Variants in USH2A observed in about 807,000 individuals in gnomAD.
USH2A encodes Usher syndrome 2A (autosomal recessive, mild).
A neutral mutation model predicts 538.9 loss-of-function variants in USH2A; 443 were observed. The observed-to-expected ratio is 0.82, with a 90% CI of 0.76 to 0.89. The LOEUF (loss-of-function observed/expected upper bound fraction) is 0.89. USH2A is among the 40% of genes least tolerant of loss of function. The pLI, the probability that USH2A is intolerant of heterozygous loss-of-function variation, is 0.00. For missense variants in USH2A, 6,633 were observed against 6,324.8 expected, an observed-to-expected ratio of 1.05 and a Z score of -1.65; for synonymous variants, 2,413 against 2,273.5, an observed-to-expected ratio of 1.06 and a Z score of -1.75.
chr1:215,630,576 G>A (rs552904544), intron 70 of USH2A, among the ~76,000 whole-genome samples: 23 of 146,582 alleles, frequency 1.6e-4, no homozygotes, highest in Admixed American at 4.8e-4. Flanking sequence ...AGTGAGGCCG[G>A]GTGCGGTGGC....
At chr1:215,630,117 T>C in intron 70 of USH2A, 1 of 517,168 alleles carries the variant, frequency 1.9e-6, no homozygotes, top group Middle Eastern at 3.2e-4. Flanking sequence ...ATCAATGATC[T>C]GTTCCTGCTT....
rs185526803 is a variant in USH2A, at chr1:216,111,564, T to A, written c.4628-14351A>T. On this transcript the variant is annotated intron_variant, in intron 21 of 71. Coordinates refer to ENST00000307340, the MANE Select transcript of USH2A (RefSeq NM_206933.4). ...AATATTATAATCAGAATGATATGACTCAGTTTAAAAAAACTATCAGAAACT... is the reference window on the plus strand; with the variant it reads ...AATATTATAATCAGAATGATATGACACAGTTTAAAAAAACTATCAGAAACT... 2.6e-5 allele frequency among the ~76,000 whole-genome samples: 4 copies of A among 152,126 alleles called. No individual in the cohort carries two copies. The East Asian group carries it at 7.7e-4, about 29-fold the overall frequency.
intron 13 of USH2A, 59 bp downstream of exon 13, chr1:216,246,526 C>A (rs2036048538): frequency 6.2e-7 from 1 of 1,611,834 alleles, no homozygotes; most frequent in South Asian, 1.1e-5. Context: ...GGAGAAGTTA[C>A]CTAAGTTAAC....
At chr1:215,987,940 AT>A (rs11331717) in intron 35 of USH2A, among the ~76,000 whole-genome samples, 130,370 of 151,422 alleles carry the variant, frequency 0.86, 55,965 homozygotes, top group East Asian at 0.94. Flanking sequence ...TTAATCAGCA[AT>A]TTTTTTTTGT....
chr1:216,146,623 C>T (rs949375313), intron 21 of USH2A, among the ~76,000 whole-genome samples: 3 of 152,234 alleles, frequency 2.0e-5, no homozygotes, highest in African/African-American at 7.2e-5. Context: ...TTTCCGCACC[C>T]CAACCTCTTA....
rs1348637428 is a variant in USH2A, at chr1:216,323,535, C to G, written c.1489G>C (p.Glu497Gln). The stretch of plus-strand genomic sequence containing the variant: ...CTGTGTCTGAGGTTAACAGCAGTCT[C>G]AGTTGTATAGTACTGCCCATGAAAA... ...FHFHGQYYTT[E>Q]TAVNLRHRYY... The change falls in exon 8 of 72, where the codon GAG becomes CAG. Residue 497 changes from glutamate to glutamine, a missense_variant. Coordinates refer to ENST00000307340, the MANE Select transcript of USH2A (RefSeq NM_206933.4). 1 of 1,613,456 alleles carries G rather than the reference C, an allele frequency of 6.2e-7. No homozygotes were observed. The highest frequency in any genetic ancestry group is 1.7e-5 in the Admixed American group (1 of 59,940).
intron 38 of USH2A, among the ~76,000 whole-genome samples, chr1:215,925,218 T>C (rs1666207320): frequency 6.6e-6 from 1 of 152,138 alleles, no homozygotes; most frequent in South Asian, 2.1e-4. Flanking sequence ...TTTGAGAGCA[T>C]GTTTAAGACA....
intron 14 of USH2A, 21 bp from the exon 15 acceptor site, chr1:216,217,571 C>A: frequency 6.2e-7 from 1 of 1,611,812 alleles, no homozygotes. Context: ...GGCAAATAAA[C>A]CATCAAAGAG....
intron 32 of USH2A, among the ~76,000 whole-genome samples, chr1:216,021,058 C>T (rs1668833941): frequency 6.6e-6 from 1 of 152,078 alleles, no homozygotes; most frequent in South Asian, 2.1e-4. Context: ...TCTATGGAGT[C>T]TTACTCTAAC....
intron 58 of USH2A, among the ~76,000 whole-genome samples, chr1:215,757,237 T>G (rs2102739789): frequency 6.6e-6 from 1 of 152,382 alleles, no homozygotes; most frequent in South Asian, 2.1e-4. Flanking sequence ...ATATTTTTCT[T>G]TGCTTATAAA....
chr1:216,072,268 C>T (rs978563471), intron 29 of USH2A, among the ~76,000 whole-genome samples: 6 of 152,136 alleles, frequency 3.9e-5, no homozygotes, highest in Admixed American at 6.6e-5. Context: ...GATTTTGTGG[C>T]CAGTCAGAAG....
In USH2A at chr1:215,675,239, C is replaced by T; in HGVS notation, c.12672G>A (p.Met4224Ile). The T allele has an allele frequency of 6.2e-7, 1 of 1,614,184 alleles. No homozygotes were observed. The highest frequency in any genetic ancestry group is 8.5e-7 in the Non-Finnish European group (1 of 1,180,040). The change falls in exon 63 of 72, where the codon ATG (methionine) becomes ATA (isoleucine). Residue 4224 changes from methionine to isoleucine, a missense_variant. Physicochemically the swap from Met to Ile is conservative, Grantham distance 10. Coordinates refer to ENST00000307340, the MANE Select transcript of USH2A (RefSeq NM_206933.4). ...TEYNTERNTF[M>I]YNDTGLQPWT... The stretch of plus-strand genomic sequence containing the variant: ...ATGGTTGCAAACCTGTGTCATTATA[C>T]ATAAATGTATTCCTTTCAGTGTTAT...
chr1:216,173,698 G>A (rs999895769), intron 21 of USH2A, among the ~76,000 whole-genome samples: 2 of 152,022 alleles, frequency 1.3e-5, no homozygotes, highest in Non-Finnish European at 2.9e-5. Context: ...ACGGTGGACG[G>A]GCCATTCTAT....
chr1:215,954,312 C>T (rs1404188858), intron 37 of USH2A, among the ~76,000 whole-genome samples: 1 of 151,942 alleles, frequency 6.6e-6, no homozygotes, highest in Non-Finnish European at 1.5e-5. Flanking sequence ...TTGGAACCAA[C>T]CCAAATGTCC....
chr1:216,324,423 AT>A, intron 6 of USH2A, 71 bp from the exon 7 acceptor site: 1 of 1,358,134 alleles, frequency 7.4e-7, no homozygotes, highest in Non-Finnish European at 1.0e-6. Context: ...AAACCATGGA[AT>A]TATTAGATTC....
chr1:216,114,905 G>T (rs145499916), intron 21 of USH2A, among the ~76,000 whole-genome samples: 2 of 152,064 alleles, frequency 1.3e-5, no homozygotes, highest in Non-Finnish European at 2.9e-5. Context: ...GATAGATACA[G>T]ATACATAGAT....
intron 58 of USH2A, among the ~76,000 whole-genome samples, chr1:215,750,476 C>T (rs1057292968): frequency 1.3e-5 from 2 of 152,078 alleles, no homozygotes; most frequent in Non-Finnish European, 2.9e-5. Flanking sequence ...AATCAATATA[C>T]CCAAAGGCAA....
intron 34 of USH2A, 69 bp downstream of exon 34, chr1:215,998,818 G>T: frequency 6.5e-7 from 1 of 1,527,358 alleles, no homozygotes. Context: ...AGAAAGAAAA[G>T]ATGGACCACG....
intron 51 of USH2A, among the ~76,000 whole-genome samples, chr1:215,788,069 A>G (rs1005503732): frequency 3.9e-5 from 6 of 152,008 alleles, no homozygotes; most frequent in Non-Finnish European, 8.8e-5. Context: ...ATCTATCTAT[A>G]TCTATCTATC....
Sources: allele counts gnomAD v4.1 joint callset (sites outside exome capture counted in the v4.1 genomes callset), GRCh38; gene constraint gnomAD v4.1.1; transcripts MANE v1.5; gene names NCBI Gene and HGNC (gene_info 2026-07-23, HGNC 2026-07-21).